The following TMPRSS15 variants were observed in gnomAD, a reference collection of about 807,000 sequenced individuals.
The protein encoded by TMPRSS15 is transmembrane serine protease 15, also known as enteropeptidase.
TMPRSS15 carries 128 observed loss-of-function variants against 125.3 expected under a neutral mutation model. That is an observed-to-expected ratio of 1.02 (90% CI 0.89 to 1.18). The LOEUF (loss-of-function observed/expected upper bound fraction) is 1.18, where lower values mean the gene tolerates loss of function less well. TMPRSS15 is among the 50% of genes most tolerant of loss of function. The pLI is 0.00. For synonymous variants in TMPRSS15, 446 were observed against 423.2 expected, an observed-to-expected ratio of 1.05 and a Z score of -0.66; for missense variants, 1,283 against 1,212.7, an observed-to-expected ratio of 1.06 and a Z score of -0.86.
At chr21:18,407,958 CAT>C (rs1305542974), upstream of TMPRSS15, among the ~76,000 whole-genome samples, 1 of 152,096 alleles carries the variant, frequency 6.6e-6, no homozygotes, top group Non-Finnish European at 1.5e-5. Context: ...ATAGGAATGA[CAT>C]ATTCTGGTTA....
At chr21:18,454,978 C>T (rs1204613607) in intron 1 of TMPRSS15, among the ~76,000 whole-genome samples, 1 of 152,120 alleles carries the variant, frequency 6.6e-6, no homozygotes, top group Non-Finnish European at 1.5e-5. Flanking sequence ...TTGTGGGTCC[C>T]ATAATCCCCA....
At chr21:18,410,551 C>T (rs550043823) in intron 1 of TMPRSS15, among the ~76,000 whole-genome samples, 5 of 150,326 alleles carry the variant, frequency 3.3e-5, no homozygotes, top group Admixed American at 2.6e-4. Flanking sequence ...TTTTGAGTTT[C>T]TTTTCAGCAA....
chr21:18,424,789 A>G (rs1397649178), intron 1 of TMPRSS15, among the ~76,000 whole-genome samples: 6 of 150,560 alleles, frequency 4.0e-5, no homozygotes, highest in African/African-American at 1.5e-4. Flanking sequence ...AGAAAGCAAG[A>G]ACAACTAGTA....
At chr21:18,337,544 G>A (rs73323915) in intron 13 of TMPRSS15, among the ~76,000 whole-genome samples, 2,238 of 152,224 alleles carry the variant, frequency 0.015, 47 homozygotes, top group African/African-American at 0.044. Flanking sequence ...ACATCACAGA[G>A]CAACAATTGT....
chr21:18,334,075 C>T (rs2075368995), intron 13 of TMPRSS15, among the ~76,000 whole-genome samples: 1 of 152,206 alleles, frequency 6.6e-6, no homozygotes, highest in Non-Finnish European at 1.5e-5. Context: ...AGTGTCTCTA[C>T]ATCTATGACA....
chr21:18,463,245 G>GAAA (rs1978585963), intron 1 of TMPRSS15, among the ~76,000 whole-genome samples: 1 of 1,402 alleles, frequency 7.1e-4, no homozygotes, highest in African/African-American at 2.4e-3. Context: ...CAAATGGAAA[G>GAAA]CAAAAAAAAA....
chr21:18,356,342 A>C (rs2075624587), intron 8 of TMPRSS15, among the ~76,000 whole-genome samples: 1 of 151,916 alleles, frequency 6.6e-6, no homozygotes, highest in East Asian at 1.9e-4. Flanking sequence ...TGCGGCAACT[A>C]GAGTACCATC....
At chr21:18,296,631 T>G (rs2074911064) in intron 19 of TMPRSS15, among the ~76,000 whole-genome samples, 1 of 152,208 alleles carries the variant, frequency 6.6e-6, no homozygotes, top group Non-Finnish European at 1.5e-5. Context: ...AATAATTTTT[T>G]CTTACAAATT....
Position 18,343,730 on chromosome 21 carries a change from T to C in TMPRSS15, c.1278-74A>G, listed in dbSNP as rs191002773. 9.1e-4 allele frequency: 1,367 copies of C among 1,498,658 alleles called. 2 individuals carry two copies. The highest frequency in any genetic ancestry group is 1.2e-3 in the Non-Finnish European group (1,266 of 1,084,026). The allele number at this position is 1,498,658 out of a possible 1,614,324, so 92.8% of individuals were successfully genotyped here. ...AAGTCCTTTTCAGAGCTTTTCTACA[T>C]TTTTTACTTTCTTTGAAATAATCTT... On this transcript the variant is annotated intron_variant, in intron 11 of 24. Coordinates refer to ENST00000284885, the MANE Select transcript of TMPRSS15 (RefSeq NM_002772.3).
intron 1 of TMPRSS15, among the ~76,000 whole-genome samples, chr21:18,445,034 G>A (rs896802078): frequency 6.6e-6 from 1 of 152,078 alleles, no homozygotes; most frequent in Admixed American, 6.6e-5. Context: ...TTTGCAACAA[G>A]CTAATGTTTC....
In TMPRSS15 at chr21:18,449,439, G is replaced by A. The variant is rs1320882030; in HGVS notation, c.10+36360C>T. ...CCCAACAAGCAGGAAAACAGAAAGTGCCTTCCTATTCTCTTTTTTAAATTG... is the reference window on the plus strand; with the variant it reads ...CCCAACAAGCAGGAAAACAGAAAGTACCTTCCTATTCTCTTTTTTAAATTG... On this transcript the variant is annotated intron_variant, in intron 1 of 7. Transcript: ENST00000422787. Among the ~76,000 whole-genome samples, 3 of 151,986 alleles carry A rather than the reference G, an allele frequency of 2.0e-5. No individual in the cohort carries two copies. The East Asian group carries it at 5.8e-4, about 29-fold the overall frequency.
At chr21:18,335,288 T>C (rs2075381127) in intron 13 of TMPRSS15, among the ~76,000 whole-genome samples, 1 of 152,202 alleles carries the variant, frequency 6.6e-6, no homozygotes. Context: ...TTTAAAAAAA[T>C]CTTTTTGTGT....
At chr21:18,406,843 T>C (rs777919667), upstream of TMPRSS15, among the ~76,000 whole-genome samples, 6 of 152,122 alleles carry the variant, frequency 3.9e-5, no homozygotes, top group Non-Finnish European at 7.4e-5. Context: ...AATACAATTA[T>C]AATAAAATTG....
chr21:18,273,604 A>G (rs2074586218), intron 24 of TMPRSS15, among the ~76,000 whole-genome samples: 1 of 152,180 alleles, frequency 6.6e-6, no homozygotes, highest in Non-Finnish European at 1.5e-5. Context: ...CAATAGCATC[A>G]GCCGTCATAT....
upstream of TMPRSS15, among the ~76,000 whole-genome samples, chr21:18,405,734 A>G (rs539061942): frequency 6.6e-6 from 1 of 152,324 alleles, no homozygotes. Flanking sequence ...CACACCGTGA[A>G]GAGACATAAA....
At chr21:18,300,278 T>TTCTCTCTCTCTTTCTTTCTC (rs2074955539) in intron 18 of TMPRSS15, among the ~76,000 whole-genome samples, 1 of 147,734 alleles carries the variant, frequency 6.8e-6, no homozygotes, top group Non-Finnish European at 1.5e-5. Flanking sequence ...TCTCTCTTCT[T>TTCTCTCTCTCTTTCTTTCTC]TCTCTCTCTC....
At chr21:18,461,547 G>A (rs1156828) in intron 1 of TMPRSS15, among the ~76,000 whole-genome samples, 5,142 of 151,958 alleles carry the variant, frequency 0.034, 209 homozygotes, top group African/African-American at 0.099. Flanking sequence ...AACTCCCCAC[G>A]CATATCCTTT....
intron 24 of TMPRSS15, among the ~76,000 whole-genome samples, chr21:18,271,866 A>G (rs369997521): frequency 6.6e-6 from 1 of 152,088 alleles, no homozygotes; most frequent in Non-Finnish European, 1.5e-5. Flanking sequence ...GCTGAGGATG[A>G]TGGCTTCCAG....
intron 1 of TMPRSS15, among the ~76,000 whole-genome samples, chr21:18,434,701 T>A (rs1489276321): frequency 2.6e-5 from 4 of 152,096 alleles, no homozygotes; most frequent in African/African-American, 9.6e-5. Flanking sequence ...ATATATTAGC[T>A]ATATCATTTG....
Sources: gnomAD v4.1 joint callset for allele counts (sites outside exome capture counted in the v4.1 genomes callset) on GRCh38, gnomAD v4.1.1 for gene constraint, MANE v1.5 for transcripts, NCBI Gene and HGNC (gene_info 2026-07-23, HGNC 2026-07-21) for gene names.